PDE8B: variants seen among roughly 807,000 people sequenced by gnomAD.
PDE8B encodes high affinity cAMP-specific and IBMX-insensitive 3',5'-cyclic phosphodiesterase 8B.
In PDE8B, 26 loss-of-function variants were observed where a neutral mutation model predicts 101.3. The observed-to-expected ratio is 0.26, with a 90% CI of 0.19 to 0.36. PDE8B has a LOEUF of 0.36. Among genes scored for constraint, PDE8B ranks in the 10% least tolerant of loss-of-function variants. The pLI, the probability that PDE8B is intolerant of heterozygous loss-of-function variation, is 1.00. For missense variants in PDE8B, 810 were observed against 1,163.1 expected (o/e 0.70, Z 4.42); for synonymous variants, 424 against 429.3 (o/e 0.99, Z 0.15).
At chr5:77,250,530 G>T (rs1757866592) in intron 1 of PDE8B, among the ~76,000 whole-genome samples, 1 of 152,164 alleles carries the variant, frequency 6.6e-6, no homozygotes, top group African/African-American at 2.4e-5. Context: ...TTGAGGTTCT[G>T]GGGTGCCTTC....
intron 1 of PDE8B, among the ~76,000 whole-genome samples, chr5:77,247,319 C>T (rs139614704): frequency 6.6e-6 from 1 of 152,292 alleles, no homozygotes; most frequent in African/African-American, 2.4e-5. Context: ...CCCTCTGTTC[C>T]GCAGCAGGAG....
the PDE8B span, among the ~76,000 whole-genome samples, chr5:77,197,165 G>A: frequency 2.0e-5 from 3 of 149,410 alleles, no homozygotes; most frequent in Admixed American, 6.7e-5. Context: ...CAGGCTGGAG[G>A]GCAGTGGCAT....
the PDE8B span, among the ~76,000 whole-genome samples, chr5:77,137,477 T>C: frequency 3.9e-5 from 6 of 152,216 alleles, no homozygotes; most frequent in Non-Finnish European, 7.3e-5. Context: ...TGAGATGCTC[T>C]GGCCAAGGCA....
At chr5:77,130,610 G>T in the PDE8B span, among the ~76,000 whole-genome samples, 2 of 151,832 alleles carry the variant, frequency 1.3e-5, no homozygotes, top group Non-Finnish European at 2.9e-5. Flanking sequence ...TTAATTTTTT[G>T]GATTTTAGAA....
chr5:77,154,487 G>T, the PDE8B span, among the ~76,000 whole-genome samples: 2 of 152,224 alleles, frequency 1.3e-5, no homozygotes, highest in African/African-American at 4.8e-5. Flanking sequence ...ATCATGCAGA[G>T]GCCCGTCAGG....
At chr5:77,330,859 C>A (rs1776983697) in intron 4 of PDE8B, among the ~76,000 whole-genome samples, 1 of 152,166 alleles carries the variant, frequency 6.6e-6, no homozygotes, top group Admixed American at 6.5e-5. Context: ...AGCAAACCCT[C>A]TTGTGAAATG....
intron 11 of PDE8B, among the ~76,000 whole-genome samples, chr5:77,403,884 T>C (rs903488546): frequency 6.6e-6 from 1 of 152,036 alleles, no homozygotes; most frequent in Non-Finnish European, 1.5e-5. Flanking sequence ...AATGGCACAA[T>C]CTCAGCTCAC....
At chr5:77,387,412 T>C (rs1581409707) in intron 10 of PDE8B, among the ~76,000 whole-genome samples, 3 of 152,262 alleles carry the variant, frequency 2.0e-5, no homozygotes, top group South Asian at 2.1e-4. Context: ...TTCTAGCTTA[T>C]AGGGTTTCTG....
At chr5:77,191,904 G>T in the PDE8B span, among the ~76,000 whole-genome samples, 2 of 152,174 alleles carry the variant, frequency 1.3e-5, no homozygotes, top group African/African-American at 4.8e-5. Flanking sequence ...GGTCCTGTCT[G>T]GGGGTGATGG....
the PDE8B span, chr5:77,105,275 G>A: frequency 1.3e-5 from 2 of 152,098 alleles, no homozygotes; most frequent in African/African-American, 4.8e-5. Flanking sequence ...AACATAATGC[G>A]AAAACAATAC....
chr5:77,359,056 A>G (rs537433271), intron 10 of PDE8B, among the ~76,000 whole-genome samples: 4 of 152,282 alleles, frequency 2.6e-5, no homozygotes, highest in African/African-American at 9.6e-5. Flanking sequence ...ACCCCCGAGC[A>G]GACATGAATG....
intron 1 of PDE8B, among the ~76,000 whole-genome samples, chr5:77,217,465 T>C (rs1750037397): frequency 6.6e-6 from 1 of 152,174 alleles, no homozygotes; most frequent in Non-Finnish European, 1.5e-5. Context: ...TGTCCAGGAA[T>C]TTATTTTTAA....
chr5:77,395,153 G>T (rs1052370700), intron 10 of PDE8B, among the ~76,000 whole-genome samples: 8 of 151,888 alleles, frequency 5.3e-5, no homozygotes, highest in Admixed American at 4.6e-4. Context: ...GTCTCACTCT[G>T]TCACCCAGGC....
the PDE8B span, chr5:77,166,565 G>A: frequency 5.9e-5 from 9 of 152,224 alleles, no homozygotes; most frequent in African/African-American, 2.2e-4. Context: ...GTTAAAGCAT[G>A]TGCACGTGTG....
chr5:77,404,577 G>A, intron 11 of PDE8B, 143 bp from the exon 12 acceptor site: 3 of 626,870 alleles, frequency 4.8e-6, no homozygotes, highest in South Asian at 1.8e-5. Context: ...AAAAGAAAGT[G>A]GTTGACTGTT....
At chr5:77,392,343 G>T (rs536409203) in intron 10 of PDE8B, among the ~76,000 whole-genome samples, 37 of 152,278 alleles carry the variant, frequency 2.4e-4, no homozygotes, top group African/African-American at 8.4e-4. Flanking sequence ...CTAGTTGTCA[G>T]AAAGGAACAT....
intron 1 of PDE8B, among the ~76,000 whole-genome samples, chr5:77,264,383 A>C (rs1761252204): frequency 6.6e-6 from 1 of 152,214 alleles, no homozygotes; most frequent in African/African-American, 2.4e-5. Flanking sequence ...TCCCATCAAC[A>C]ATATATGAGA....
intron 1 of PDE8B, among the ~76,000 whole-genome samples, chr5:77,281,686 T>C (rs143397003): frequency 6.9e-4 from 105 of 152,298 alleles, no homozygotes; most frequent in African/African-American, 2.2e-3. Context: ...CTTTCCACCT[T>C]AAGGTTCTTA....
At chr5:77,295,914 T>G (rs1450269721) in intron 1 of PDE8B, among the ~76,000 whole-genome samples, 2 of 152,196 alleles carry the variant, frequency 1.3e-5, no homozygotes, top group Non-Finnish European at 1.5e-5. Flanking sequence ...ACAACCTCAC[T>G]ACACATTTCT....
Sources: allele counts gnomAD v4.1 joint callset (sites outside exome capture counted in the v4.1 genomes callset), GRCh38; gene constraint gnomAD v4.1.1; transcripts MANE v1.5; gene names NCBI Gene and HGNC (gene_info 2026-07-23, HGNC 2026-07-21).